SLC22A16: variants seen among roughly 807,000 people sequenced by gnomAD.
SLC22A16 encodes solute carrier family 22 member 16.
Under a neutral mutation model 52.9 loss-of-function variants are expected in SLC22A16, and 53 were observed. The observed-to-expected ratio is 1.00, with a 90% confidence interval of 0.80 to 1.26. The LOEUF is 1.26. SLC22A16 is among the 50% of genes most tolerant of loss of function. The pLI is 0.00. For synonymous variants in SLC22A16, 291 were observed against 268.8 expected (o/e 1.08, Z -0.81); for missense variants, 726 against 704.0 (o/e 1.03, Z -0.35).
intron 3 of SLC22A16, among the ~76,000 whole-genome samples, chr6:110,444,009 G>T (rs1447597253): frequency 1.3e-5 from 2 of 152,144 alleles, no homozygotes; most frequent in Admixed American, 1.3e-4. Context: ...TTTCAGTTTT[G>T]CAAGATGAAA....
intron 2 of SLC22A16, among the ~76,000 whole-genome samples, chr6:110,454,387 G>A (rs1051292277): frequency 2.7e-5 from 4 of 150,442 alleles, no homozygotes; most frequent in African/African-American, 9.8e-5. Context: ...TTAGCTTAAG[G>A]TTTTTCTGGA....
intron 1 of SLC22A16, among the ~76,000 whole-genome samples, chr6:110,468,268 T>G (rs1776140019): frequency 6.6e-6 from 1 of 152,222 alleles, no homozygotes; most frequent in South Asian, 2.1e-4. Context: ...CAGAAGAGCT[T>G]GGAGCCCCAG....
intron 1 of SLC22A16, among the ~76,000 whole-genome samples, chr6:110,465,236 C>CAAGA (rs1314870072): frequency 1.3e-5 from 2 of 151,934 alleles, no homozygotes; most frequent in Non-Finnish European, 2.9e-5. Flanking sequence ...AGAACTAGAA[C>CAAGA]AAGACAAGGA....
At chr6:110,471,589 C>A (rs1017834989) in intron 1 of SLC22A16, among the ~76,000 whole-genome samples, 1 of 152,192 alleles carries the variant, frequency 6.6e-6, no homozygotes, top group Admixed American at 6.5e-5. Flanking sequence ...GGGTGGATCT[C>A]ACAAACACAG....
intron 1 of SLC22A16, among the ~76,000 whole-genome samples, chr6:110,474,405 T>C (rs916718): frequency 6.6e-6 from 1 of 152,126 alleles, no homozygotes; most frequent in Admixed American, 6.5e-5. Context: ...AAAGAATAGA[T>C]ACCAATTAGA....
intron 7 of SLC22A16, among the ~76,000 whole-genome samples, chr6:110,425,655 G>T (rs1384595483): frequency 6.6e-6 from 1 of 152,236 alleles, no homozygotes; most frequent in African/African-American, 2.4e-5. Context: ...ATGGGGCAGG[G>T]ATCCATATAA....
In SLC22A16 at chr6:110,425,104, AATG is replaced by A. The variant is rs780050176; in HGVS notation, c.1522-22_1522-20del. 477 of 1,613,194 alleles carry A rather than the reference AATG, an allele frequency of 3.0e-4. No individual in the cohort carries two copies. Among genetic ancestry groups the A allele is most frequent in the Middle Eastern group, 1.8e-3 (11 of 6,060 alleles). ...CAAACAACTAGAAGGAATTAAAAATAATGATAAGTGACACATCAAGAAAGGAAC... is the reference window on the plus strand; with the variant it reads ...CAAACAACTAGAAGGAATTAAAAATAATAAGTGACACATCAAGAAAGGAAC... On this transcript the variant is annotated intron_variant, in intron 7 of 7. Coordinates refer to ENST00000368919, the MANE Select transcript of SLC22A16 (RefSeq NM_033125.4).
intron 1 of SLC22A16, 51 bp from the exon 2 acceptor site, chr6:110,457,068 G>A: frequency 6.7e-7 from 1 of 1,483,494 alleles, no homozygotes; most frequent in Non-Finnish European, 9.0e-7. Flanking sequence ...GGCTGAAAAA[G>A]AACATAAGCA....
chr6:110,432,255 C>T (rs1774535302), intron 6 of SLC22A16, among the ~76,000 whole-genome samples: 2 of 152,160 alleles, frequency 1.3e-5, no homozygotes, highest in South Asian at 4.1e-4. Flanking sequence ...TTAGGGAGCT[C>T]ATAGAGTTGG....
intron 1 of SLC22A16, among the ~76,000 whole-genome samples, chr6:110,475,168 G>A (rs975825939): frequency 7.2e-5 from 11 of 152,192 alleles, no homozygotes; most frequent in Non-Finnish European, 1.0e-4. Context: ...CCAGAAGGAT[G>A]AAATGAGATC....
At chr6:110,462,415 C>A (rs1775916194) in intron 1 of SLC22A16, among the ~76,000 whole-genome samples, 1 of 152,076 alleles carries the variant, frequency 6.6e-6, no homozygotes, top group Admixed American at 6.5e-5. Context: ...AGAAAGCTCA[C>A]TGAGATGCAA....
At chr6:110,453,556 T>A (rs1775465412) in intron 2 of SLC22A16, 1 of 451,972 alleles carries the variant, frequency 2.2e-6, no homozygotes, top group Non-Finnish European at 4.4e-6. Flanking sequence ...GGCAGCAGCA[T>A]CTTTGTCTCA....
chr6:110,459,115 G>A (rs1461379882), intron 1 of SLC22A16, among the ~76,000 whole-genome samples: 1 of 152,034 alleles, frequency 6.6e-6, no homozygotes. Flanking sequence ...AGGGAGAAGA[G>A]ACCAATCTTT....
At chr6:110,426,112 C>T (rs886481539) in intron 7 of SLC22A16, among the ~76,000 whole-genome samples, 2 of 152,302 alleles carry the variant, frequency 1.3e-5, no homozygotes, top group East Asian at 1.9e-4. Flanking sequence ...CACTGATAAC[C>T]TAATTCTTAG....
At chr6:110,456,450 T>C in intron 2 of SLC22A16, 88 bp downstream of exon 2, 1 of 1,487,772 alleles carries the variant, frequency 6.7e-7, no homozygotes, top group Admixed American at 2.1e-5. Context: ...AAATGACAAG[T>C]TTTAAACATA....
chr6:110,451,043 T>G (rs1775360347), intron 2 of SLC22A16, among the ~76,000 whole-genome samples: 1 of 152,232 alleles, frequency 6.6e-6, no homozygotes, highest in Non-Finnish European at 1.5e-5. Flanking sequence ...ATTTTAAATT[T>G]TCTATAACAG....
chr6:110,454,346 T>C (rs959577041), intron 2 of SLC22A16, among the ~76,000 whole-genome samples: 1 of 151,542 alleles, frequency 6.6e-6, no homozygotes, highest in Non-Finnish European at 1.5e-5. Flanking sequence ...ATACAGACAC[T>C]GGGAGTCAGG....
At chr6:110,451,544 C>T (rs545665814) in intron 2 of SLC22A16, among the ~76,000 whole-genome samples, 45 of 152,326 alleles carry the variant, frequency 3.0e-4, no homozygotes, top group African/African-American at 1.1e-3. Context: ...TTCAACTTTT[C>T]ATTAGCCATT....
rs527776640 is a variant in SLC22A16 at position 110,445,975 on chromosome 6, A to G, written c.651+898T>C. On this transcript the variant is annotated intron_variant, in intron 3 of 7. Transcript: ENST00000368919. ...TTATGCATCTTCCTTATCCTTGGCCAACTGTATGGTTTGCTAGAAACCCTT... is the reference window on the plus strand; with the variant it reads ...TTATGCATCTTCCTTATCCTTGGCCGACTGTATGGTTTGCTAGAAACCCTT... Among the ~76,000 whole-genome samples, 101 of 152,266 alleles carry G rather than the reference A, an allele frequency of 6.6e-4. No homozygotes were observed. The Middle Eastern group carries it at 0.01, about 15-fold the overall frequency.
Sources: gnomAD v4.1 joint callset for allele counts (sites outside exome capture counted in the v4.1 genomes callset) on GRCh38, gnomAD v4.1.1 for gene constraint, MANE v1.5 for transcripts, NCBI Gene and HGNC (gene_info 2026-07-23, HGNC 2026-07-21) for gene names.